The following AFF4 variants were observed in gnomAD, a reference collection of about 807,000 sequenced individuals.
AFF4 encodes ALF transcription elongation factor 4.
In AFF4, 13 loss-of-function variants were observed where a neutral mutation model predicts 124.8. The ratio of observed to expected loss-of-function variants is 0.10; its 90% confidence interval spans 0.07 to 0.17. AFF4 has a LOEUF of 0.17. AFF4 is among the 10% of genes least tolerant of loss of function. The pLI, the probability that AFF4 is intolerant of heterozygous loss-of-function variation, is 1.00. For missense variants in AFF4, 1,092 were observed against 1,403.8 expected (o/e 0.78, Z 3.55); for synonymous variants, 477 against 496.1 (o/e 0.96, Z 0.51).
intron 1 of AFF4, 62 bp downstream of exon 1, chr5:132,963,197 G>C: frequency 7.8e-6 from 3 of 384,458 alleles, no homozygotes; most frequent in Non-Finnish European, 9.2e-6. Flanking sequence ...ACCCCCACCC[G>C]GCCCCGGCCA....
intron 7 of AFF4, chr5:132,901,003 C>G (rs1338310336): frequency 1.0e-6 from 1 of 985,278 alleles, no homozygotes; most frequent in Admixed American, 6.1e-5. Flanking sequence ...CAAAATATTA[C>G]ATATTAAACA....
chr5:132,948,823 C>A (rs1387706806), intron 1 of AFF4: 2 of 153,316 alleles, frequency 1.3e-5, no homozygotes, highest in African/African-American at 2.4e-5. Flanking sequence ...TTCGACTTTG[C>A]CTGTTTGGGG....
chr5:132,889,722 T>G (rs1419818857), intron 13 of AFF4, among the ~76,000 whole-genome samples: 1 of 152,230 alleles, frequency 6.6e-6, no homozygotes, highest in East Asian at 1.9e-4. Flanking sequence ...TTCTTGGAAT[T>G]TGAGTTTCAA....
chr5:132,923,283 C>T (rs1761093778), intron 5 of AFF4, among the ~76,000 whole-genome samples: 1 of 151,142 alleles, frequency 6.6e-6, no homozygotes, highest in East Asian at 1.9e-4. Context: ...CCTGGGAGGT[C>T]GAGGCTGCAA....
chr5:132,931,482 C>T (rs183516742), intron 4 of AFF4, among the ~76,000 whole-genome samples: 104 of 152,132 alleles, frequency 6.8e-4, no homozygotes, highest in Non-Finnish European at 9.1e-4. Flanking sequence ...TAAGATTTGA[C>T]CAGTATGTAC....
At chr5:132,936,733 T>C (rs184520285) in intron 2 of AFF4, among the ~76,000 whole-genome samples, 73 of 152,296 alleles carry the variant, frequency 4.8e-4, no homozygotes, top group African/African-American at 1.7e-3. Flanking sequence ...CAGACCACAT[T>C]TTTAAGAACA....
chr5:132,940,333 C>T (rs1327517983), intron 1 of AFF4, among the ~76,000 whole-genome samples: 2 of 151,700 alleles, frequency 1.3e-5, no homozygotes, highest in African/African-American at 4.8e-5. Context: ...CCCATCTCTA[C>T]TAAAAATATA....
intron 1 of AFF4, among the ~76,000 whole-genome samples, chr5:132,955,553 C>T (rs1761934372): frequency 6.6e-6 from 1 of 151,960 alleles, no homozygotes; most frequent in Non-Finnish European, 1.5e-5. Flanking sequence ...CCAAGGCGGG[C>T]AGATCACGAG....
Position 132,953,045 on chromosome 5 carries a change from C to G in AFF4, c.-5+10214G>C, listed in dbSNP as rs77082684. Among the ~76,000 whole-genome samples, 1,399 of 152,022 alleles carry G rather than the reference C, an allele frequency of 9.2e-3. 10 individuals carry two copies. The highest frequency in any genetic ancestry group is 0.03 in the South Asian group (145 of 4,822). Reference sequence around the variant, plus strand: ...CTTTGGCTATCTAAGAAATCTAAATCAGGGCTAGGCACTACCATGCCTGTA... The same window carrying G: ...CTTTGGCTATCTAAGAAATCTAAATGAGGGCTAGGCACTACCATGCCTGTA... On this transcript the variant is annotated intron_variant, in intron 1 of 20. Coordinates refer to ENST00000265343, the MANE Select transcript of AFF4 (RefSeq NM_014423.4).
At chr5:132,931,537 A>G (rs888874473) in intron 4 of AFF4, among the ~76,000 whole-genome samples, 2 of 152,258 alleles carry the variant, frequency 1.3e-5, no homozygotes, top group Non-Finnish European at 2.9e-5. Flanking sequence ...GGTTTGACTG[A>G]TAACTACTGA....
chr5:132,879,682 G>A lies in AFF4; in HGVS notation c.*1377C>T, dbSNP rs1457364856. The stretch of plus-strand genomic sequence containing the variant: ...GGGGCATGAAAAATAAAGTATAGAG[G>A]GTACATTTCTTATCTTAGACTTCTA... On this transcript the variant is annotated 3_prime_UTR_variant, in exon 21 of 21. Transcript: ENST00000265343. 4.8e-6 allele frequency: 1 copy of A among 210,282 alleles called. No individual in the cohort carries two copies. Among genetic ancestry groups the A allele is most frequent in the Non-Finnish European group, 9.7e-6 (1 of 103,474 alleles). The allele number at this position is 210,282 out of a possible 1,614,324, so 13.0% of individuals were successfully genotyped here. A position where few individuals can be genotyped will look rare whatever the true frequency, so the allele number is the denominator to read the frequency against.
At chr5:132,904,299 T>TG (rs1760621599) in intron 6 of AFF4, 69 bp downstream of exon 6, 1 of 1,322,830 alleles carries the variant, frequency 7.6e-7, no homozygotes, top group Non-Finnish European at 1.1e-6. Flanking sequence ...TTATATATGG[T>TG]GTGACCATGA....
At chr5:132,884,131 G>A (rs1760055190) in intron 19 of AFF4, among the ~76,000 whole-genome samples, 1 of 152,112 alleles carries the variant, frequency 6.6e-6, no homozygotes, top group African/African-American at 2.4e-5. Flanking sequence ...GTTGAAATCT[G>A]GCAGGTTCAT....
At chr5:132,955,794 AAATATAT>A (rs1213445905) in intron 1 of AFF4, among the ~76,000 whole-genome samples, 17 of 138,240 alleles carry the variant, frequency 1.2e-4, no homozygotes, top group Non-Finnish European at 2.5e-4. Context: ...AAAAAAAAAA[AAATATAT>A]ATATATATAT....
rs1759886938 is a variant in AFF4 at position 132,878,221 on chromosome 5, C to T, written c.*2838G>A. The T allele has an allele frequency of 4.4e-6, 1 of 229,760 alleles. No individual in the cohort carries two copies. The highest frequency in any genetic ancestry group is 6.2e-5 in the East Asian group (1 of 16,202). 14.2% of individuals were successfully genotyped at this position (229,760 alleles called of 1,614,324 possible). Reference sequence around the variant, plus strand: ...TCCCACAGCCCAGCCCAGTCTGGCCCAGGCAAGACTACTGTGACAACTGCA... The same window carrying T: ...TCCCACAGCCCAGCCCAGTCTGGCCTAGGCAAGACTACTGTGACAACTGCA... On this transcript the variant is annotated 3_prime_UTR_variant, in exon 21 of 21. Coordinates refer to ENST00000265343, the MANE Select transcript of AFF4 (RefSeq NM_014423.4).
At chr5:132,883,592 T>C (rs200174272) in intron 19 of AFF4, 32 bp from the exon 20 acceptor site, 24 of 1,593,476 alleles carry the variant, frequency 1.5e-5, no homozygotes, top group Admixed American at 6.7e-5. Context: ...CTTGTTCATA[T>C]GGACATGGTA....
intron 7 of AFF4, among the ~76,000 whole-genome samples, chr5:132,900,588 C>T (rs910089182): frequency 1.5e-4 from 23 of 151,908 alleles, no homozygotes; most frequent in African/African-American, 5.3e-4. Flanking sequence ...AAAAAAAACT[C>T]CCAAGTTCCA....
At chr5:132,928,706 G>C (rs1304312762) in intron 4 of AFF4, among the ~76,000 whole-genome samples, 1 of 152,104 alleles carries the variant, frequency 6.6e-6, no homozygotes, top group Non-Finnish European at 1.5e-5. Flanking sequence ...TTTAACTGTT[G>C]ATATGTAATG....
intron 19 of AFF4, among the ~76,000 whole-genome samples, chr5:132,883,773 G>T (rs1340013103): frequency 6.6e-6 from 1 of 152,118 alleles, no homozygotes; most frequent in Non-Finnish European, 1.5e-5. Context: ...TTGTTTTAAT[G>T]AATAACAACA....
Sources: allele counts gnomAD v4.1 joint callset (sites outside exome capture counted in the v4.1 genomes callset), GRCh38; gene constraint gnomAD v4.1.1; transcripts MANE v1.5; gene names NCBI Gene and HGNC (gene_info 2026-07-23, HGNC 2026-07-21).